Variants in THSD4 observed in about 807,000 individuals in gnomAD.
THSD4 encodes thrombospondin type 1 domain containing 4.
A neutral mutation model predicts 119.0 loss-of-function variants in THSD4; 69 were observed. The observed-to-expected ratio is 0.58, with a 90% CI of 0.48 to 0.71. THSD4 has a LOEUF of 0.71. Among genes scored for constraint, THSD4 ranks in the 30% least tolerant of loss-of-function variants. THSD4 has a pLI of 0.00. For synonymous variants in THSD4, 524 were observed against 540.4 expected, an observed-to-expected ratio of 0.97 and a Z score of 0.42; for missense variants, 1,393 against 1,391.1, an observed-to-expected ratio of 1.00 and a Z score of -0.02.
chr15:71,748,051 G>T (rs2053373207), intron 13 of THSD4, among the ~76,000 whole-genome samples: 1 of 152,088 alleles, frequency 6.6e-6, no homozygotes, highest in Admixed American at 6.5e-5. Context: ...CATCAGTGCT[G>T]GTCGGTTGTG....
chr15:71,782,958 G>C lies in THSD4; in HGVS notation c.*5584G>C, dbSNP rs1420924813. The C allele has an allele frequency of 1.3e-5, 2 of 152,316 alleles. No individual in the cohort carries two copies. Among genetic ancestry groups the C allele is most frequent in the African/African-American group, 4.8e-5 (2 of 41,434 alleles). The allele number at this position is 152,316 out of a possible 1,614,324, so 9.4% of individuals were successfully genotyped here. A position where few individuals can be genotyped will look rare whatever the true frequency, so the allele number is the denominator to read the frequency against. On this transcript the variant is annotated 3_prime_UTR_variant, in exon 18 of 18. Transcript: ENST00000261862. The stretch of plus-strand genomic sequence containing the variant: ...GTTAGAGCCGTGGGTGAGGCAGGTG[G>C]CTGGCGGGGACAGGGAGAGGCTGAG...
At position 71,594,385 on chromosome 15, in the gene THSD4, T is replaced by G. The variant is rs940384338; in HGVS notation, c.1153-66145T>G. On this transcript the variant is annotated intron_variant, in intron 7 of 17. Coordinates refer to ENST00000261862, the MANE Select transcript of THSD4 (RefSeq NM_024817.3). The stretch of plus-strand genomic sequence containing the variant: ...CACCACGACTGGCTAATTTTTGTAT[T>G]TTTAGTAGAGACAGGGTTTCACCAT... 3.3e-5 allele frequency among the ~76,000 whole-genome samples: 5 copies of G among 152,180 alleles called. No homozygotes were observed. In the East Asian group the frequency reaches 7.7e-4, roughly 24 times the overall value.
rs1356538627 is a variant in THSD4 at position 71,660,655 on chromosome 15, C to T, written c.1278C>T (p.Gly426=). 6.2e-7 allele frequency: 1 copy of T among 1,614,182 alleles called. No individual in the cohort carries two copies. Among genetic ancestry groups the T allele is most frequent in the Non-Finnish European group, 8.5e-7 (1 of 1,180,024 alleles). ...GVFKHALTSL[G]YHRVVEIPEG... is the part of the protein sequence containing the mutation. ...TTAAGCATGCCCTCACCAGCCTGGG[C>T]TACCACCGCGTCGTGGAGATTCCCG... The change falls in exon 8 of 18, where the codon GGC becomes GGT. Residue 426 remains glycine (G), a synonymous_variant. Coordinates refer to ENST00000261862, the MANE Select transcript of THSD4 (RefSeq NM_024817.3).
chr15:71,338,514 G>C (rs1443142534), intron 6 of THSD4, among the ~76,000 whole-genome samples: 1 of 152,182 alleles, frequency 6.6e-6, no homozygotes, highest in Non-Finnish European at 1.5e-5. Context: ...CTACTCTGCA[G>C]TGAGGTTCTT....
intron 4 of THSD4, among the ~76,000 whole-genome samples, chr15:71,242,410 A>G (rs2044160523): frequency 6.6e-6 from 1 of 152,078 alleles, no homozygotes; most frequent in Admixed American, 6.5e-5. Flanking sequence ...TGCATCATCC[A>G]CTGTTCATCC....
chr15:71,140,631 C>T (rs887276896), intron 1 of THSD4, among the ~76,000 whole-genome samples: 1 of 152,240 alleles, frequency 6.6e-6, no homozygotes, highest in Non-Finnish European at 1.5e-5. Flanking sequence ...AAGCATGTCA[C>T]ATGCGTTCCC....
chr15:71,425,135 G>T (rs1466298214), intron 7 of THSD4, among the ~76,000 whole-genome samples: 2 of 152,172 alleles, frequency 1.3e-5, no homozygotes, highest in Non-Finnish European at 2.9e-5. Context: ...AGCCAGCAAG[G>T]AGCCATTTCT....
chr15:71,391,719 A>T (rs1389423622), intron 6 of THSD4, among the ~76,000 whole-genome samples: 1 of 152,214 alleles, frequency 6.6e-6, no homozygotes, highest in Non-Finnish European at 1.5e-5. Flanking sequence ...AAGGAAAAGA[A>T]TAGTGAGTCC....
intron 8 of THSD4, among the ~76,000 whole-genome samples, chr15:71,673,988 G>C (rs2051587478): frequency 6.6e-6 from 1 of 152,158 alleles, no homozygotes; most frequent in South Asian, 2.1e-4. Context: ...TGTTCTTATG[G>C]CTTTTGCACC....
intron 7 of THSD4, among the ~76,000 whole-genome samples, chr15:71,416,701 ATTTTAT>A (rs1243807816): frequency 2.5e-5 from 2 of 79,836 alleles, no homozygotes; most frequent in Non-Finnish European, 5.3e-5. Context: ...GTTTCATTTT[ATTTTAT>A]TTTATTTTGT....
chr15:71,546,126 T>C (rs181011225), intron 7 of THSD4, among the ~76,000 whole-genome samples: 71 of 152,030 alleles, frequency 4.7e-4, no homozygotes, highest in Non-Finnish European at 2.8e-4. Context: ...CATTTCCCTA[T>C]TTCACAGGAG....
At chr15:71,686,285 C>T (rs1482182725) in intron 8 of THSD4, among the ~76,000 whole-genome samples, 3 of 152,190 alleles carry the variant, frequency 2.0e-5, no homozygotes, top group African/African-American at 7.2e-5. Flanking sequence ...TTGAGATTTA[C>T]ATGCTTAACT....
chr15:71,657,306 G>T (rs2051210395), intron 7 of THSD4, among the ~76,000 whole-genome samples: 2 of 151,866 alleles, frequency 1.3e-5, no homozygotes, highest in African/African-American at 4.9e-5. Flanking sequence ...GTCATGGCAG[G>T]TCCTTCATGT....
chr15:71,359,446 A>G lies in THSD4; in HGVS notation c.1016-52241A>G, dbSNP rs114168554. Among the ~76,000 whole-genome samples, 867 of 152,318 alleles carry G rather than the reference A, an allele frequency of 5.7e-3. 1 individual carries two copies. The highest frequency in any genetic ancestry group is 0.024 in the Middle Eastern group (7 of 294). On this transcript the variant is annotated intron_variant, in intron 6 of 17. Coordinates refer to ENST00000261862, the MANE Select transcript of THSD4 (RefSeq NM_024817.3). Reference sequence around the variant, plus strand: ...ATTCGTACCATTTTACAGATGAGCAAACTGAGGCTTAGTGAAGTTAAGAGC... The same window carrying G: ...ATTCGTACCATTTTACAGATGAGCAGACTGAGGCTTAGTGAAGTTAAGAGC...
rs2040354520 is a variant in THSD4 at position 71,115,757 on chromosome 15, C to G, written c.-80+59C>G. ...CGCCGCCCGCGCGGCCCCGACCCGG[C>G]TTCCGCTGCCCAGGCTCCGGCTCCC... On this transcript the variant is annotated intron_variant, in intron 1 of 17. Transcript: ENST00000261862. The surrounding 1 kb of genome is among the most constrained non-coding windows in gnomAD (Gnocchi z 4.4). The G allele has an allele frequency of 6.7e-6, 1 of 148,972 alleles. No homozygotes were observed. Among genetic ancestry groups the G allele is most frequent in the Non-Finnish European group, 1.5e-5 (1 of 66,896 alleles). The allele number at this position is 148,972 out of a possible 1,614,324, so 9.2% of individuals were successfully genotyped here.
intron 6 of THSD4, among the ~76,000 whole-genome samples, chr15:71,299,976 A>AATATATATATATATATATATATATAT (rs1185451144): frequency 4.1e-5 from 2 of 48,310 alleles, no homozygotes; most frequent in African/African-American, 1.5e-4. Flanking sequence ...AAAAAAAAAA[A>AATATATATATATATATATATATATAT]ATATATATAT....
At chr15:71,648,351 AC>A (rs1404373238) in intron 7 of THSD4, among the ~76,000 whole-genome samples, 1 of 152,042 alleles carries the variant, frequency 6.6e-6, no homozygotes, top group Admixed American at 6.5e-5. Flanking sequence ...TCTGTTTTCC[AC>A]CTACAACTCA....
chr15:71,477,091 C>T (rs767767411), intron 7 of THSD4, among the ~76,000 whole-genome samples: 1 of 152,186 alleles, frequency 6.6e-6, no homozygotes, highest in Non-Finnish European at 1.5e-5. Context: ...AGATAATTTG[C>T]AGTACAGTTC....
At chr15:71,286,018 A>G (rs1313704193) in intron 6 of THSD4, among the ~76,000 whole-genome samples, 1 of 151,908 alleles carries the variant, frequency 6.6e-6, no homozygotes, top group African/African-American at 2.4e-5. Context: ...GCGCATTTAT[A>G]TATCCACAGT....
Sources: gnomAD v4.1 joint callset for allele counts (sites outside exome capture counted in the v4.1 genomes callset) on GRCh38, gnomAD v4.1.1 for gene constraint, Gnocchi (gnomAD v3.1) non-coding constraint, MANE v1.5 for transcripts, NCBI Gene and HGNC (gene_info 2026-07-23, HGNC 2026-07-21) for gene names.